Variants in TRIM35 observed in about 807,000 individuals in gnomAD.
TRIM35 encodes the protein E3 ubiquitin-protein ligase TRIM35.
TRIM35 carries 37 observed loss-of-function variants against 49.1 expected under a neutral mutation model. The observed-to-expected ratio is 0.75, with a 90% CI of 0.58 to 0.99. The LOEUF is 0.99. TRIM35 is among the 50% of genes least tolerant of loss of function. The probability of loss-of-function intolerance (pLI) is 0.00; values close to 1 mark genes in which losing one functional copy is unlikely to be tolerated. For synonymous variants in TRIM35, 302 were observed against 289.3 expected (o/e 1.04, Z -0.45); for missense variants, 648 against 702.7 (o/e 0.92, Z 0.88).
chr8:27,310,699 G>T, intron 1 of TRIM35, 102 bp downstream of exon 1: 1 of 1,317,278 alleles, frequency 7.6e-7, no homozygotes, highest in Non-Finnish European at 1.0e-6. Flanking sequence ...CGAGACGCGG[G>T]CACACTGGGC....
intron 4 of TRIM35, among the ~76,000 whole-genome samples, 194 bp downstream of exon 4, chr8:27,289,962 T>G (rs1468114246): frequency 6.6e-6 from 1 of 152,160 alleles, no homozygotes; most frequent in African/African-American, 2.4e-5. Flanking sequence ...CAGAGCCAAC[T>G]TGAACTGGAT....
At chr8:27,301,905 T>C (rs553824126) in intron 1 of TRIM35, among the ~76,000 whole-genome samples, 1 of 152,328 alleles carries the variant, frequency 6.6e-6, no homozygotes, top group South Asian at 2.1e-4. Context: ...AGGTAGCTCA[T>C]TGTCTCAGCA....
Position 27,287,586 on chromosome 8 carries a change from G to A in TRIM35, c.1446C>T (p.Pro482=), listed in dbSNP as rs1239955913. 1 of 1,601,248 alleles carries A rather than the reference G, an allele frequency of 6.2e-7. No homozygotes were observed. Among genetic ancestry groups the A allele is most frequent in the Admixed American group, 1.7e-5 (1 of 58,608 alleles). The part of the protein sequence containing the change: ...AGPPEPLRIC[P]LHISVKEELD... ...GTTCTTCCTTGACACTGATGTGCAA[G>A]GGGCAGATGCGCAAAGGCTCTGGAG... The change falls in exon 6 of 6, where the codon CCC becomes CCT. Residue 482 remains proline (P), a synonymous_variant. Transcript: ENST00000305364. This position sits in a 1 kb window ranked among gnomAD's most constrained non-coding sequence, Gnocchi z 6.0.
At chr8:27,305,780 C>G (rs1563445283) in intron 1 of TRIM35, among the ~76,000 whole-genome samples, 1 of 152,178 alleles carries the variant, frequency 6.6e-6, no homozygotes, top group Non-Finnish European at 1.5e-5. Flanking sequence ...GTAGAAGATG[C>G]AAGCTGGAGA....
chr8:27,289,425 T>G (rs1344571181), intron 4 of TRIM35, 145 bp from the exon 5 acceptor site: 2 of 643,750 alleles, frequency 3.1e-6, no homozygotes, highest in Non-Finnish European at 5.5e-6. Context: ...AAGACTGGAC[T>G]GGGCTACGAT....
At chr8:27,293,868 C>T (rs967482723) in intron 3 of TRIM35, among the ~76,000 whole-genome samples, 5 of 151,848 alleles carry the variant, frequency 3.3e-5, no homozygotes, top group African/African-American at 9.7e-5. Flanking sequence ...AAAAGAAGAG[C>T]GAGGAAGAAA....
In TRIM35 at chr8:27,294,513, T is replaced by G. The variant is rs74322383; in HGVS notation, c.532-203A>C. Among the ~76,000 whole-genome samples the G allele has an allele frequency of 5.0e-3, 767 of 152,354 alleles. 8 individuals carry two copies. Among genetic ancestry groups the G allele is most frequent in the African/African-American group, 0.018 (743 of 41,590 alleles). ...ATGGGAAAGTCCAACAACCTAATAT[T>G]AGATTGTTTTGACAGGGTTTTTAAA... On this transcript the variant is annotated intron_variant, in intron 2 of 5. Coordinates refer to ENST00000305364, the MANE Select transcript of TRIM35 (RefSeq NM_171982.5).
intron 1 of TRIM35, among the ~76,000 whole-genome samples, chr8:27,307,011 A>G (rs1056958220): frequency 3.9e-5 from 6 of 152,238 alleles, no homozygotes; most frequent in African/African-American, 1.2e-4. Context: ...ATTTGTATGC[A>G]TGTAAATAAT....
At chr8:27,288,232 C>A in intron 5 of TRIM35, 105 bp from the exon 6 acceptor site, 1 of 1,103,234 alleles carries the variant, frequency 9.1e-7, no homozygotes, top group Non-Finnish European at 1.3e-6. Flanking sequence ...CACCTGGCCC[C>A]AAGTCCATGC....
intron 1 of TRIM35, among the ~76,000 whole-genome samples, chr8:27,301,114 C>G (rs548307082): frequency 6.6e-6 from 1 of 152,346 alleles, no homozygotes; most frequent in Non-Finnish European, 1.5e-5. Flanking sequence ...GAGATGTCAG[C>G]TGATGAGACT....
chr8:27,288,602 C>A (rs1174652834), intron 5 of TRIM35, among the ~76,000 whole-genome samples: 1 of 152,168 alleles, frequency 6.6e-6, no homozygotes, highest in Non-Finnish European at 1.5e-5. Context: ...GTCCTTCCAA[C>A]ATCTGGATTT....
At chr8:27,292,864 A>C (rs1012853557) in intron 3 of TRIM35, among the ~76,000 whole-genome samples, 1 of 152,224 alleles carries the variant, frequency 6.6e-6, no homozygotes, top group African/African-American at 2.4e-5. Flanking sequence ...TAAAGTTGTT[A>C]ATAAAAAATA....
At chr8:27,296,915 C>T (rs1348087774) in intron 2 of TRIM35, among the ~76,000 whole-genome samples, 1 of 152,166 alleles carries the variant, frequency 6.6e-6, no homozygotes, top group Non-Finnish European at 1.5e-5. Context: ...ATGTTAAGGA[C>T]TTGTCTCTGT....
intron 1 of TRIM35, among the ~76,000 whole-genome samples, chr8:27,306,003 A>G (rs1485659001): frequency 6.6e-6 from 1 of 151,384 alleles, no homozygotes; most frequent in African/African-American, 2.4e-5. Flanking sequence ...CACCCGGCTA[A>G]TTTTTTTCTT....
chr8:27,308,492 C>G (rs1802833185), intron 1 of TRIM35, among the ~76,000 whole-genome samples: 1 of 152,218 alleles, frequency 6.6e-6, no homozygotes, highest in African/African-American at 2.4e-5. Context: ...CAGTGAGGCA[C>G]ACAGCTTCTT....
intron 1 of TRIM35, among the ~76,000 whole-genome samples, chr8:27,301,032 C>G (rs1802673258): frequency 6.6e-6 from 1 of 152,184 alleles, no homozygotes; most frequent in Non-Finnish European, 1.5e-5. Context: ...CCTTGATCTT[C>G]TCAAACTTTT....
chr8:27,293,369 T>A (rs1802494208), intron 3 of TRIM35, among the ~76,000 whole-genome samples: 2 of 151,966 alleles, frequency 1.3e-5, no homozygotes, highest in African/African-American at 4.8e-5. Context: ...AAAAAATGAA[T>A]AATACTGTTT....
In TRIM35 at chr8:27,287,790, G is replaced by A; in HGVS notation, c.1242C>T (p.Asp414=). The A allele has an allele frequency of 6.2e-7, 1 of 1,610,546 alleles. No individual in the cohort carries two copies. Among genetic ancestry groups the A allele is most frequent in the South Asian group, 1.1e-5 (1 of 90,494 alleles). ...GVEGDHCVTS[D]PATSPLVLAI... is the part of the protein sequence containing the mutation. ...CCAGGACCAGGGGCGACGTGGCTGG[G>A]TCCGAGGTCACGCAGTGGTCCCCCT... is the stretch of plus-strand genomic sequence containing the variant. Residue 414 remains aspartate (D), a synonymous_variant, in exon 6 of 6, where the codon GAC becomes GAT. Coordinates refer to ENST00000305364, the MANE Select transcript of TRIM35 (RefSeq NM_171982.5). This position sits in a 1 kb window ranked among gnomAD's most constrained non-coding sequence, Gnocchi z 6.0.
intron 1 of TRIM35, among the ~76,000 whole-genome samples, chr8:27,307,206 C>T (rs987562653): frequency 6.6e-6 from 1 of 152,156 alleles, no homozygotes; most frequent in African/African-American, 2.4e-5. Context: ...TCATGCGCCA[C>T]TGCACCTACG....
Sources: allele counts gnomAD v4.1 joint callset (sites outside exome capture counted in the v4.1 genomes callset), GRCh38; gene constraint gnomAD v4.1.1; non-coding constraint Gnocchi (gnomAD v3.1); transcripts MANE v1.5; gene names NCBI Gene and HGNC (gene_info 2026-07-23, HGNC 2026-07-21).